The following PREX1 variants were observed in gnomAD, a reference collection of about 807,000 sequenced individuals.
PREX1 encodes the protein phosphatidylinositol-3,4,5-trisphosphate dependent Rac exchange factor 1, also known as phosphatidylinositol 3,4,5-trisphosphate-dependent Rac exchanger 1 protein.
In PREX1, 41 loss-of-function variants were observed where a neutral mutation model predicts 198.3. The ratio of observed to expected loss-of-function variants is 0.21; its 90% CI spans 0.16 to 0.27. The LOEUF (loss-of-function observed/expected upper bound fraction) is 0.27. Ranked by LOEUF, PREX1 falls within the 10% of genes least tolerant of loss-of-function variation. PREX1 has a pLI of 1.00. For synonymous variants in PREX1, 843 were observed against 887.2 expected, an observed-to-expected ratio of 0.95 and a Z score of 0.89; for missense variants, 1,620 against 2,200.7, an observed-to-expected ratio of 0.74 and a Z score of 5.28.
chr20:48,769,333 G>A (rs2090223798), intron 1 of PREX1, among the ~76,000 whole-genome samples: 1 of 152,110 alleles, frequency 6.6e-6, no homozygotes, highest in African/African-American at 2.4e-5. Flanking sequence ...GAATCCTGAG[G>A]GGATCCTCTC....
chr20:48,644,052 AG>A lies in PREX1; in HGVS notation c.3601+356del, dbSNP rs145491899. On this transcript the variant is annotated intron_variant, in intron 27 of 39. Coordinates refer to ENST00000371941, the MANE Select transcript of PREX1 (RefSeq NM_020820.4). ...ATGTATCATTTTTACATAAACCATG[AG>A]GTCACCCTGTTTAGTTGTCAGCACA... Among the ~76,000 whole-genome samples the A allele has an allele frequency of 5.8e-3, 891 of 152,330 alleles. 11 individuals carry two copies. The highest frequency in any genetic ancestry group is 0.021 in the African/African-American group (858 of 41,572).
chr20:48,863,970 A>T, the PREX1 span, among the ~76,000 whole-genome samples: 2 of 152,198 alleles, frequency 1.3e-5, no homozygotes, highest in African/African-American at 2.4e-5. Flanking sequence ...CTAATCAATG[A>T]ATAATATTCC....
At chr20:48,785,975 C>A (rs1384117428) in intron 1 of PREX1, among the ~76,000 whole-genome samples, 1 of 152,196 alleles carries the variant, frequency 6.6e-6, no homozygotes, top group African/African-American at 2.4e-5. Flanking sequence ...CGGTGCCTTC[C>A]AGCAGGGGGT....
intron 7 of PREX1, among the ~76,000 whole-genome samples, chr20:48,696,139 C>T (rs879477018): frequency 1.3e-5 from 2 of 152,182 alleles, no homozygotes; most frequent in Non-Finnish European, 2.9e-5. Context: ...TCCTTTATAA[C>T]TATACTCTTT....
chr20:48,814,082 G>A (rs998104021), intron 1 of PREX1, among the ~76,000 whole-genome samples: 2 of 152,336 alleles, frequency 1.3e-5, no homozygotes, highest in Middle Eastern at 6.8e-3. Context: ...AAGGGCAGGA[G>A]GCCAAGGAAC....
intron 5 of PREX1, among the ~76,000 whole-genome samples, chr20:48,721,519 T>C (rs1241267530): frequency 6.6e-6 from 1 of 152,048 alleles, no homozygotes. Flanking sequence ...GAAACCTGCT[T>C]GTTGTGTTCA....
intron 1 of PREX1, among the ~76,000 whole-genome samples, chr20:48,772,135 T>C (rs1051603559): frequency 2.0e-5 from 3 of 152,074 alleles, no homozygotes; most frequent in Non-Finnish European, 4.4e-5. Flanking sequence ...CGGAGGTTGC[T>C]GTGAGCTGAG....
chr20:48,649,855 G>A (rs2089479169), intron 24 of PREX1, 141 bp downstream of exon 24: 1 of 1,038,086 alleles, frequency 9.6e-7, no homozygotes, highest in Non-Finnish European at 1.4e-6. Flanking sequence ...TAGAGATGCT[G>A]TCCCATAAAG....
chr20:48,650,290 G>T, intron 23 of PREX1, 84 bp from the exon 24 acceptor site: 2 of 1,363,676 alleles, frequency 1.5e-6, no homozygotes, highest in Non-Finnish European at 2.0e-6. Context: ...ACTTTATCCT[G>T]GCCTAGGCCA....
At chr20:48,747,068 A>G (rs903883412) in intron 2 of PREX1, among the ~76,000 whole-genome samples, 3 of 151,826 alleles carry the variant, frequency 2.0e-5, no homozygotes, top group Admixed American at 6.6e-5. Context: ...CATCTCTAAG[A>G]CTCAGCTTTC....
intron 3 of PREX1, among the ~76,000 whole-genome samples, chr20:48,739,832 A>C (rs1468692468): frequency 2.0e-5 from 3 of 152,154 alleles, no homozygotes. Context: ...CCTATAACTT[A>C]ATCTCTCTGG....
chr20:48,806,012 A>G (rs752354955), intron 1 of PREX1, among the ~76,000 whole-genome samples: 1 of 152,188 alleles, frequency 6.6e-6, no homozygotes, highest in African/African-American at 2.4e-5. Context: ...GCCACTGACA[A>G]TTGGGGCCAG....
chr20:48,704,479 TGCCAGAGCCAGA>T (rs1019989692), intron 6 of PREX1, among the ~76,000 whole-genome samples: 4 of 152,264 alleles, frequency 2.6e-5, no homozygotes, highest in Admixed American at 6.5e-5. Context: ...AAACCAGGGC[TGCCAGAGCCAGA>T]GCCAGAGCCA....
chr20:48,690,747 C>G (rs2089814722), intron 9 of PREX1, among the ~76,000 whole-genome samples, 200 bp downstream of exon 9: 1 of 152,156 alleles, frequency 6.6e-6, no homozygotes, highest in Non-Finnish European at 1.5e-5. Flanking sequence ...TCAGTTTCCC[C>G]ATTTGTCTAG....
Position 48,666,521 on chromosome 20 carries a change from T to A in PREX1, c.1666-166A>T, listed in dbSNP as rs570158825. 8.7e-4 allele frequency among the ~76,000 whole-genome samples: 132 copies of A among 152,044 alleles called. No individual in the cohort carries two copies. Among genetic ancestry groups the A allele is most frequent in the African/African-American group, 2.9e-3 (120 of 41,458 alleles). Reference sequence around the variant, plus strand: ...CAAAACGGGTTTGTGATTATTATTTTTTATTATTATTATTATTTTTTTGAG... The same window carrying A: ...CAAAACGGGTTTGTGATTATTATTTATTATTATTATTATTATTTTTTTGAG... On this transcript the variant is annotated intron_variant, in intron 14 of 39. Coordinates refer to ENST00000371941, the MANE Select transcript of PREX1 (RefSeq NM_020820.4). The surrounding 1 kb of genome is among the most constrained non-coding windows in gnomAD (Gnocchi z 4.3).
At chr20:48,873,258 C>A in the PREX1 span, among the ~76,000 whole-genome samples, 2 of 152,176 alleles carry the variant, frequency 1.3e-5, no homozygotes, top group Non-Finnish European at 1.5e-5. Context: ...ATGTCCACTG[C>A]CATCTCAGTG....
At chr20:48,699,940 G>A (rs771487527) in intron 7 of PREX1, among the ~76,000 whole-genome samples, 21 of 151,796 alleles carry the variant, frequency 1.4e-4, no homozygotes, top group African/African-American at 3.1e-4. Context: ...TCCAACATCC[G>A]TCCACATTCC....
At chr20:48,667,610 T>G (rs771811440) in intron 14 of PREX1, among the ~76,000 whole-genome samples, 16 of 152,368 alleles carry the variant, frequency 1.1e-4, no homozygotes, top group Non-Finnish European at 2.4e-4. Context: ...TCAGTTGGGC[T>G]TGTTATCCTG....
Position 48,634,662 on chromosome 20 carries a change from G to C in PREX1, c.4267+14C>G. The C allele has an allele frequency of 6.2e-7, 1 of 1,612,766 alleles. No homozygotes were observed. Among genetic ancestry groups the C allele is most frequent in the Non-Finnish European group, 8.5e-7 (1 of 1,178,832 alleles). ...CCCCACCTCTCACAGTGGGGGATGG[G>C]AGAAATCACTCACTGGCCACATAGT... is the stretch of plus-strand genomic sequence containing the variant. On this transcript the variant is annotated intron_variant, in intron 33 of 39. Coordinates refer to ENST00000371941, the MANE Select transcript of PREX1 (RefSeq NM_020820.4).
Sources: allele counts gnomAD v4.1 joint callset (sites outside exome capture counted in the v4.1 genomes callset), GRCh38; gene constraint gnomAD v4.1.1; non-coding constraint Gnocchi (gnomAD v3.1); transcripts MANE v1.5; gene names NCBI Gene and HGNC (gene_info 2026-07-23, HGNC 2026-07-21).